The following FOXO1 variants were observed in gnomAD, a reference collection of about 807,000 sequenced individuals.
FOXO1 encodes the protein forkhead box protein O1.
A neutral mutation model predicts 44.1 loss-of-function variants in FOXO1; 6 were observed. That is an observed-to-expected ratio of 0.14 (90% CI 0.07 to 0.27). The LOEUF is 0.27. Among genes scored for constraint, FOXO1 ranks in the 10% least tolerant of loss-of-function variants. The pLI is 1.00. For missense variants in FOXO1, 737 were observed against 888.8 expected (o/e 0.83, Z 2.17); for synonymous variants, 380 against 362.7 (o/e 1.05, Z -0.54).
At chr13:40,600,300 C>T (rs55733884) in intron 1 of FOXO1, among the ~76,000 whole-genome samples, 14,850 of 152,170 alleles carry the variant, frequency 0.098, 927 homozygotes, top group East Asian at 0.24. Context: ...GGAATTAAAT[C>T]GGCCTCCAGA....
intron 1 of FOXO1, among the ~76,000 whole-genome samples, chr13:40,606,294 T>C (rs928019454): frequency 3.9e-5 from 6 of 152,030 alleles, no homozygotes; most frequent in East Asian, 1.9e-4. Flanking sequence ...GGTTGGTTTC[T>C]TTCTTTCTTT....
At chr13:40,601,724 T>A (rs1875821166) in intron 1 of FOXO1, among the ~76,000 whole-genome samples, 1 of 152,222 alleles carries the variant, frequency 6.6e-6, no homozygotes, top group Non-Finnish European at 1.5e-5. Context: ...TAAAAGATGT[T>A]GTTCTTGCTT....
chr13:40,615,909 C>G (rs1001686346), intron 1 of FOXO1, among the ~76,000 whole-genome samples: 5 of 152,210 alleles, frequency 3.3e-5, no homozygotes, highest in Non-Finnish European at 7.3e-5. Flanking sequence ...GGGAGGTAGG[C>G]AGCCAGGGCA....
chr13:40,558,711 T>G lies in FOXO1; in HGVS notation c.*338A>C. 1 of 398,012 alleles carries G rather than the reference T, an allele frequency of 2.5e-6. No individual in the cohort carries two copies. The highest frequency in any genetic ancestry group is 4.4e-6 in the Non-Finnish European group (1 of 225,752). 24.7% of individuals were successfully genotyped at this position (398,012 alleles called of 1,614,324 possible). ...CACAAATACAATCTGTATCTACTGC[T>G]TATATACAAAACTTGAAAGCACACC... On this transcript the variant is annotated 3_prime_UTR_variant, in exon 3 of 3. Transcript: ENST00000379561.
At chr13:40,615,525 T>G (rs2137895571) in intron 1 of FOXO1, among the ~76,000 whole-genome samples, 1 of 143,754 alleles carries the variant, frequency 7.0e-6, no homozygotes, top group South Asian at 2.2e-4. Context: ...AGACTCCATC[T>G]CAAATACATA....
At chr13:40,638,506 C>A (rs1012004451) in intron 1 of FOXO1, among the ~76,000 whole-genome samples, 5 of 152,106 alleles carry the variant, frequency 3.3e-5, no homozygotes, top group Non-Finnish European at 4.4e-5. Context: ...TAGAATTCTG[C>A]CCTTAAAAGC....
chr13:40,625,658 T>TAAA (rs35880404), intron 1 of FOXO1, among the ~76,000 whole-genome samples: 1 of 146,916 alleles, frequency 6.8e-6, no homozygotes, highest in African/African-American at 2.5e-5. Flanking sequence ...GCTTTCACTT[T>TAAA]AAAAAAAAAA....
At chr13:40,657,380 G>A (rs181940107) in intron 1 of FOXO1, among the ~76,000 whole-genome samples, 4 of 148,288 alleles carry the variant, frequency 2.7e-5, no homozygotes, top group East Asian at 4.0e-4. Context: ...CTACAGTGGC[G>A]TGATCTCGGC....
rs145646871 is a variant in FOXO1, at chr13:40,611,898, C to T, written c.631-51038G>A. On this transcript the variant is annotated intron_variant, in intron 1 of 2. Transcript: ENST00000379561. ...AACTACCCTGGGCAACATGGCAAAACCCCGTCTCTACTGAAAATACAAAAA... is the reference window on the plus strand; with the variant it reads ...AACTACCCTGGGCAACATGGCAAAATCCCGTCTCTACTGAAAATACAAAAA... Among the ~76,000 whole-genome samples, 256 of 152,176 alleles carry T rather than the reference C, an allele frequency of 1.7e-3. 1 individual carries two copies. Among genetic ancestry groups the T allele is most frequent in the African/African-American group, 5.9e-3 (247 of 41,520 alleles).
At chr13:40,603,823 CTT>C (rs1052907537) in intron 1 of FOXO1, among the ~76,000 whole-genome samples, 3 of 152,184 alleles carry the variant, frequency 2.0e-5, no homozygotes, top group African/African-American at 7.2e-5. Context: ...TAATAACTAA[CTT>C]TTTCTTAGGA....
At chr13:40,583,605 C>T (rs951616697) in intron 1 of FOXO1, among the ~76,000 whole-genome samples, 1 of 152,172 alleles carries the variant, frequency 6.6e-6, no homozygotes, top group African/African-American at 2.4e-5. Flanking sequence ...CCTCATGAAC[C>T]AACAACCTCT....
At chr13:40,610,004 T>C (rs577880632) in intron 1 of FOXO1, among the ~76,000 whole-genome samples, 8 of 152,190 alleles carry the variant, frequency 5.3e-5, no homozygotes, top group Admixed American at 2.0e-4. Context: ...TATTATTTAA[T>C]GTATTGATAA....
intron 1 of FOXO1, among the ~76,000 whole-genome samples, chr13:40,665,357 G>C: frequency 6.6e-6 from 1 of 152,110 alleles, no homozygotes; most frequent in South Asian, 2.1e-4. Context: ...TCCCCAACGA[G>C]CCCCTTACCG....
intron 1 of FOXO1, among the ~76,000 whole-genome samples, chr13:40,589,218 T>A (rs1875282952): frequency 1.3e-5 from 2 of 151,938 alleles, no homozygotes; most frequent in South Asian, 4.2e-4. Context: ...TTCAAAGACA[T>A]CTCAAAAGTA....
intron 1 of FOXO1, among the ~76,000 whole-genome samples, chr13:40,629,159 T>TC (rs1876880917): frequency 6.6e-6 from 1 of 152,034 alleles, no homozygotes; most frequent in African/African-American, 2.4e-5. Context: ...TTTTTTTTTT[T>TC]CAGACAGAGT....
chr13:40,629,479 C>A (rs913022551), intron 1 of FOXO1, among the ~76,000 whole-genome samples: 23 of 152,164 alleles, frequency 1.5e-4, no homozygotes, highest in African/African-American at 5.5e-4. Flanking sequence ...GATTTCACAG[C>A]CTCTAGAGGT....
intron 1 of FOXO1, among the ~76,000 whole-genome samples, chr13:40,632,968 C>A (rs1877018506): frequency 6.6e-6 from 1 of 151,092 alleles, no homozygotes; most frequent in South Asian, 2.1e-4. Flanking sequence ...GTAGATATCT[C>A]TCCAAAGAAG....
chr13:40,597,006 C>G (rs1272396740), intron 1 of FOXO1, among the ~76,000 whole-genome samples: 1 of 152,234 alleles, frequency 6.6e-6, no homozygotes, highest in African/African-American at 2.4e-5. Context: ...CTCCCTACAT[C>G]AAGAAGAATG....
At chr13:40,626,206 T>C (rs935063253) in intron 1 of FOXO1, among the ~76,000 whole-genome samples, 5 of 152,230 alleles carry the variant, frequency 3.3e-5, no homozygotes, top group African/African-American at 1.2e-4. Context: ...TAACAAATCC[T>C]AGCCAGCAGA....
Sources: gnomAD v4.1 joint callset for allele counts (sites outside exome capture counted in the v4.1 genomes callset) on GRCh38, gnomAD v4.1.1 for gene constraint, MANE v1.5 for transcripts, NCBI Gene and HGNC (gene_info 2026-07-23, HGNC 2026-07-21) for gene names.